SLC4A10: variants seen among roughly 807,000 people sequenced by gnomAD.
SLC4A10 encodes the protein solute carrier family 4 member 10, also known as sodium-driven chloride bicarbonate exchanger.
A neutral mutation model predicts 137.7 loss-of-function variants in SLC4A10; 42 were observed. That is an observed-to-expected ratio of 0.30 (90% CI 0.24 to 0.39). The LOEUF (loss-of-function observed/expected upper bound fraction) is 0.39. Among genes scored for constraint, SLC4A10 ranks in the 10% least tolerant of loss-of-function variants. SLC4A10 has a pLI of 1.00. For missense variants in SLC4A10, 925 were observed against 1,355.0 expected, an observed-to-expected ratio of 0.68 and a Z score of 4.98; for synonymous variants, 474 against 464.1, an observed-to-expected ratio of 1.02 and a Z score of -0.27.
intron 2 of SLC4A10, among the ~76,000 whole-genome samples, chr2:161,771,939 T>A (rs1378151110): frequency 2.6e-5 from 4 of 151,770 alleles, no homozygotes; most frequent in Non-Finnish European, 4.4e-5. Flanking sequence ...AGGTAAGGGT[T>A]TTTTCATTTT....
chr2:161,883,966 C>T (rs769509578), intron 10 of SLC4A10, among the ~76,000 whole-genome samples: 6 of 152,190 alleles, frequency 3.9e-5, no homozygotes, highest in African/African-American at 1.2e-4. Context: ...CCACATTCTG[C>T]GGCTCCAGGT....
At chr2:161,918,112 G>T (rs929451369) in intron 15 of SLC4A10, among the ~76,000 whole-genome samples, 10 of 152,162 alleles carry the variant, frequency 6.6e-5, no homozygotes, top group African/African-American at 1.9e-4. Context: ...ATTTTACTTA[G>T]GTCACTTAAA....
chr2:161,652,927 G>A (rs565986605), intron 1 of SLC4A10, among the ~76,000 whole-genome samples: 15 of 151,776 alleles, frequency 9.9e-5, no homozygotes, highest in African/African-American at 1.9e-4. Flanking sequence ...AGGTATACAC[G>A]TGCCATGGTG....
intron 3 of SLC4A10, among the ~76,000 whole-genome samples, chr2:161,831,336 T>C (rs910937326): frequency 4.6e-5 from 7 of 152,192 alleles, no homozygotes; most frequent in Non-Finnish European, 8.8e-5. Context: ...TAGATTTCAG[T>C]AATTGCTCTA....
At chr2:161,974,949 G>T (rs1440497456) in intron 24 of SLC4A10, among the ~76,000 whole-genome samples, 3 of 152,008 alleles carry the variant, frequency 2.0e-5, no homozygotes, top group Non-Finnish European at 4.4e-5. Flanking sequence ...CGGTTATCTT[G>T]TACAATTCTA....
At chr2:161,633,393 A>C (rs185046671) in intron 1 of SLC4A10, among the ~76,000 whole-genome samples, 8 of 151,886 alleles carry the variant, frequency 5.3e-5, no homozygotes, top group African/African-American at 1.9e-4. Context: ...TGGGTAATAG[A>C]TTAAGCAGCA....
chr2:161,778,251 C>T (rs973096580), intron 2 of SLC4A10, among the ~76,000 whole-genome samples: 1 of 151,916 alleles, frequency 6.6e-6, no homozygotes, highest in African/African-American at 2.4e-5. Context: ...AATGCTCATT[C>T]TGCCCATCCA....
intron 15 of SLC4A10, among the ~76,000 whole-genome samples, chr2:161,935,352 T>C (rs970715906): frequency 6.6e-6 from 1 of 152,176 alleles, no homozygotes; most frequent in East Asian, 1.9e-4. Context: ...TCAAGATTTA[T>C]TTGGTTATTT....
intron 1 of SLC4A10, among the ~76,000 whole-genome samples, chr2:161,715,400 G>T (rs1329043706): frequency 6.6e-6 from 1 of 152,056 alleles, no homozygotes. Flanking sequence ...CTGTTACATA[G>T]GTAAATGTGT....
At chr2:161,786,719 G>C (rs925732245) in intron 2 of SLC4A10, among the ~76,000 whole-genome samples, 1 of 150,954 alleles carries the variant, frequency 6.6e-6, no homozygotes, top group African/African-American at 2.4e-5. Flanking sequence ...TAGTGTAATT[G>C]CTTTTTAGGA....
intron 23 of SLC4A10, among the ~76,000 whole-genome samples, chr2:161,968,463 T>G (rs1311825779): frequency 1.3e-5 from 2 of 152,336 alleles, no homozygotes; most frequent in African/African-American, 4.8e-5. Context: ...GAACTCATGC[T>G]TTCTGAAAAG....
intron 26 of SLC4A10, among the ~76,000 whole-genome samples, chr2:161,978,402 G>A (rs77464385): frequency 2.6e-3 from 178 of 69,324 alleles, no homozygotes; most frequent in East Asian, 5.2e-3. Flanking sequence ...AAAAAAAAAA[G>A]AAAAGAAAAA....
intron 15 of SLC4A10, among the ~76,000 whole-genome samples, chr2:161,915,170 A>G (rs1344870099): frequency 6.6e-6 from 1 of 152,070 alleles, no homozygotes; most frequent in Non-Finnish European, 1.5e-5. Flanking sequence ...TGGTGGCTGG[A>G]CATTGGAAAG....
chr2:161,696,540 G>A (rs1218209180), intron 1 of SLC4A10, among the ~76,000 whole-genome samples: 3 of 139,886 alleles, frequency 2.1e-5, no homozygotes, highest in Non-Finnish European at 1.5e-5. Flanking sequence ...CCACCTATGA[G>A]TGAGAACATG....
chr2:161,756,847 T>C, intron 1 of SLC4A10, among the ~76,000 whole-genome samples: 1 of 152,188 alleles, frequency 6.6e-6, no homozygotes. Flanking sequence ...ATATATATTC[T>C]TATAGACATC....
chr2:161,662,833 T>C (rs1204650940), intron 1 of SLC4A10, among the ~76,000 whole-genome samples: 2 of 152,238 alleles, frequency 1.3e-5, no homozygotes, highest in East Asian at 3.8e-4. Flanking sequence ...TATCTGTATG[T>C]CCTACATAAA....
chr2:161,669,614 A>G (rs1157998251), intron 1 of SLC4A10, among the ~76,000 whole-genome samples: 1 of 152,030 alleles, frequency 6.6e-6, no homozygotes, highest in Non-Finnish European at 1.5e-5. Flanking sequence ...ACATTTTGTA[A>G]TATTAAATTG....
At chr2:161,660,158 G>A (rs538334139) in intron 1 of SLC4A10, among the ~76,000 whole-genome samples, 5 of 152,154 alleles carry the variant, frequency 3.3e-5, no homozygotes, top group Non-Finnish European at 5.9e-5. Flanking sequence ...TGGTTGGGTT[G>A]TATGGTATAT....
intron 15 of SLC4A10, among the ~76,000 whole-genome samples, chr2:161,933,459 C>A (rs1690986522): frequency 6.6e-6 from 1 of 151,726 alleles, no homozygotes; most frequent in African/African-American, 2.4e-5. Context: ...GTGGCACAAT[C>A]ATAGCTCACT....
Sources: allele counts gnomAD v4.1 joint callset (sites outside exome capture counted in the v4.1 genomes callset), GRCh38; gene constraint gnomAD v4.1.1; transcripts MANE v1.5; gene names NCBI Gene and HGNC (gene_info 2026-07-23, HGNC 2026-07-21).